IQCF2: variants seen among roughly 807,000 people sequenced by gnomAD.
IQCF2 encodes IQ domain-containing protein F2.
A neutral mutation model predicts 7.0 loss-of-function variants in IQCF2; 6 were observed. The observed-to-expected ratio is 0.86, with a 90% CI of 0.47 to 1.70. The LOEUF (loss-of-function observed/expected upper bound fraction) is 1.70, where lower values mean the gene tolerates loss of function less well. Ranked by LOEUF, IQCF2 falls within the 40% of genes most tolerant of loss-of-function variation. The pLI, the probability that IQCF2 is intolerant of heterozygous loss-of-function variation, is 0.01. For missense variants in IQCF2, 174 were observed against 204.6 expected (o/e 0.85, Z 0.91); for synonymous variants, 67 against 74.0 (o/e 0.91, Z 0.48).
At position 51,863,216 on chromosome 3, in the gene IQCF2, G is replaced by GT. The variant is rs1559728151; in HGVS notation, c.342dup (p.Val115CysfsTer46). 1 of 1,614,194 alleles carries GT rather than the reference G, an allele frequency of 6.2e-7. No individual in the cohort carries two copies. Among genetic ancestry groups the GT allele is most frequent in the East Asian group, 2.2e-5 (1 of 44,876 alleles). On this transcript the variant is annotated frameshift_variant, in exon 3 of 3. Coordinates refer to ENST00000333127, the MANE Select transcript of IQCF2 (RefSeq NM_203424.2). LOFTEE classifies it high-confidence loss of function. ...CTCCAGTCTTTGGTCCGTATGTGGC[G>GT]TGTCCGCTGGCGATACTGCCAGGTG...
chr3:51,861,941 G>C lies in IQCF2; in HGVS notation c.102G>C (p.Gln34His). ...EWKTLQKKKQQKIKEKLRIRT... is the reference protein window; with the variant it reads ...EWKTLQKKKQHKIKEKLRIRT... Reference sequence around the variant, plus strand: ...AGACATTGCAGAAGAAGAAACAGCAGAAAATCAAGGTGAGAAGAATTCCAT... The same window carrying C: ...AGACATTGCAGAAGAAGAAACAGCACAAAATCAAGGTGAGAAGAATTCCAT... The change falls in exon 2 of 3, where the codon CAG becomes CAC. Residue 34 changes from glutamine to histidine, a missense_variant. By Grantham distance (24) the Gln-to-His change is conservative. Coordinates refer to ENST00000333127, the MANE Select transcript of IQCF2 (RefSeq NM_203424.2). 1 of 1,610,782 alleles carries C rather than the reference G, an allele frequency of 6.2e-7. No homozygotes were observed. Among genetic ancestry groups the C allele is most frequent in the Non-Finnish European group, 8.5e-7 (1 of 1,177,044 alleles).
chr3:51,863,316 C>T lies in IQCF2; in HGVS notation c.441C>T (p.His147=), dbSNP rs1559728204. Residue 147 remains histidine, a synonymous_variant, in exon 3 of 3, where the codon CAC becomes CAT. Transcript: ENST00000333127. ...AGACCTGCGCTCTCCTCCAGGGCCA[C>T]TGTGTGGTCACAGCCACTCACCTGC... ...NCQTCALLQG[H]CVVTATHLQF... is the part of the protein sequence containing the mutation. The T allele has an allele frequency of 2.5e-6, 4 of 1,614,198 alleles. No individual in the cohort carries two copies. The highest frequency in any genetic ancestry group is 1.7e-5 in the Admixed American group (1 of 60,032).
Position 51,863,148 on chromosome 3 carries a change from A to G in IQCF2, c.273A>G (p.Ala91=). Residue 91 remains alanine, a synonymous_variant, in exon 3 of 3, where the codon GCA becomes GCG. Transcript: ENST00000333127. ...LSRVLEKKRQ[A]ALIAYATRER... The stretch of plus-strand genomic sequence containing the variant: ...GGGTGCTGGAGAAGAAACGGCAGGC[A>G]GCTCTGATCGCCTACGCAACCAGAG... The G allele has an allele frequency of 1.2e-6, 2 of 1,614,248 alleles. No homozygotes were observed. The highest frequency in any genetic ancestry group is 1.7e-6 in the Non-Finnish European group (2 of 1,180,042).
intron 1 of IQCF2, 81 bp from the exon 2 acceptor site, chr3:51,861,777 G>A: frequency 1.3e-6 from 2 of 1,571,412 alleles, no homozygotes; most frequent in Non-Finnish European, 1.8e-6. Flanking sequence ...GGATGTTAAA[G>A]TAGTAATTGT....
Position 51,863,190 on chromosome 3 carries a change from G to A in IQCF2, c.315G>A (p.Lys105=). 1.2e-6 allele frequency: 2 copies of A among 1,614,206 alleles called. No individual in the cohort carries two copies. The highest frequency in any genetic ancestry group is 1.7e-6 in the Non-Finnish European group (2 of 1,180,030). Residue 105 remains lysine, a synonymous_variant, in exon 3 of 3, where the codon AAG becomes AAA. Coordinates refer to ENST00000333127, the MANE Select transcript of IQCF2 (RefSeq NM_203424.2). ...CAACCAGAGAGAGGGCAGTGATCAA[G>A]CTCCAGTCTTTGGTCCGTATGTGGC... ...AYATRERAVI[K]LQSLVRMWRV...
rs1389726236 is a variant in IQCF2, at chr3:51,863,336, A to C, written c.461A>C (p.His154Pro). Residue 154 changes from histidine to proline, a missense_variant, in exon 3 of 3, where the codon CAC (histidine) becomes CCC (proline). His to Pro is a moderately conservative substitution (Grantham distance 77). Transcript: ENST00000333127. ...LQGHCVVTAT[H>P]LQFHIEIINS ...GGCCACTGTGTGGTCACAGCCACTC[A>C]CCTGCAGTTCCACATTGAGATCATC... 6.2e-7 allele frequency: 1 copy of C among 1,614,086 alleles called. No individual in the cohort carries two copies.
In IQCF2 at chr3:51,861,652, A is replaced by C; in HGVS notation, c.-15A>C. 1 of 1,614,182 alleles carries C rather than the reference A, an allele frequency of 6.2e-7. No homozygotes were observed. Among genetic ancestry groups the C allele is most frequent in the Non-Finnish European group, 8.5e-7 (1 of 1,179,992 alleles). On this transcript the variant is annotated 5_prime_UTR_variant, in exon 1 of 3. Transcript: ENST00000333127. ...GCAGAGAAATCAGGGCTAATGAACC[A>C]TCTAAGGACAGGCCATGAGGGTTCG... is the stretch of plus-strand genomic sequence containing the variant.
chr3:51,862,633 A>G (rs1698651221), intron 2 of IQCF2, among the ~76,000 whole-genome samples: 1 of 152,226 alleles, frequency 6.6e-6, no homozygotes, highest in African/African-American at 2.4e-5. Flanking sequence ...ATTACCAGGC[A>G]GAAGGTTATG....
intron 2 of IQCF2, among the ~76,000 whole-genome samples, chr3:51,862,232 T>C (rs1460841034): frequency 6.6e-6 from 1 of 151,926 alleles, no homozygotes; most frequent in Admixed American, 6.6e-5. Context: ...ACCCCATCTC[T>C]ACTAAAAATA....
In IQCF2 at chr3:51,863,096, A is replaced by C; in HGVS notation, c.221A>C (p.Gln74Pro). 1 of 1,614,274 alleles carries C rather than the reference A, an allele frequency of 6.2e-7. No individual in the cohort carries two copies. Among genetic ancestry groups the C allele is most frequent in the Admixed American group, 1.7e-5 (1 of 60,030 alleles). ...GCAGCCCTCAGGGCCTGGATAATTC[A>C]GTGCTGGTGGCGGATGACGCTGTCG... is the stretch of plus-strand genomic sequence containing the variant. ...LHAALRAWII[Q>P]CWWRMTLSRV... The change falls in exon 3 of 3, where the codon CAG becomes CCG. Residue 74 changes from glutamine (Q) to proline (P), a missense_variant. Physicochemically the swap from Gln to Pro is moderately conservative, Grantham distance 76 (BLOSUM62 -1). Coordinates refer to ENST00000333127, the MANE Select transcript of IQCF2 (RefSeq NM_203424.2).
Position 51,863,121 on chromosome 3 carries a change from G to C in IQCF2, c.246G>C (p.Ser82=), listed in dbSNP as rs765103513. 1.3e-4 allele frequency: 213 copies of C among 1,614,124 alleles called. No individual in the cohort carries two copies. The highest frequency in any genetic ancestry group is 1.8e-4 in the Non-Finnish European group (208 of 1,180,050). ...AGTGCTGGTGGCGGATGACGCTGTC[G>C]AGGGTGCTGGAGAAGAAACGGCAGG... The part of the protein sequence containing the change: ...IIQCWWRMTL[S]RVLEKKRQAA... The change falls in exon 3 of 3, where the codon TCG becomes TCC. Residue 82 remains serine (S), a synonymous_variant. Coordinates refer to ENST00000333127, the MANE Select transcript of IQCF2 (RefSeq NM_203424.2).
intron 2 of IQCF2, among the ~76,000 whole-genome samples, chr3:51,862,454 G>T (rs1279800887): frequency 6.6e-6 from 1 of 151,120 alleles, no homozygotes; most frequent in Non-Finnish European, 1.5e-5. Flanking sequence ...GCATAAGGCT[G>T]AGAGGTGAGA....
chr3:51,862,952 A>T, intron 2 of IQCF2, 35 bp from the exon 3 acceptor site: 2 of 1,555,980 alleles, frequency 1.3e-6, no homozygotes. Context: ...TGGTGGCAGG[A>T]AGTTTTCTGA....
At chr3:51,862,256 G>A (rs552454156) in intron 2 of IQCF2, among the ~76,000 whole-genome samples, 35 of 152,078 alleles carry the variant, frequency 2.3e-4, no homozygotes, top group African/African-American at 6.7e-4. Flanking sequence ...AAAATTAGCC[G>A]GGTGTGGTGG....
Position 51,863,424 on chromosome 3 carries a change from T to C in IQCF2, c.*54T>C. 1 of 1,526,012 alleles carries C rather than the reference T, an allele frequency of 6.6e-7. No homozygotes were observed. The highest frequency in any genetic ancestry group is 1.4e-5 in the African/African-American group (1 of 72,796). 94.5% of individuals were successfully genotyped at this position (1,526,012 alleles called of 1,614,324 possible). Reference sequence around the variant, plus strand: ...TGTCCCTATTAAAGGTCTAACCTGGTCTGGTGTGTCTCATGGGCTCCCCCA... The same window carrying C: ...TGTCCCTATTAAAGGTCTAACCTGGCCTGGTGTGTCTCATGGGCTCCCCCA... On this transcript the variant is annotated 3_prime_UTR_variant, in exon 3 of 3. Transcript: ENST00000333127.
chr3:51,863,103 G>T lies in IQCF2; in HGVS notation c.228G>T (p.Trp76Cys), dbSNP rs747614959. The change falls in exon 3 of 3, where the codon TGG becomes TGT. Residue 76 changes from tryptophan (W) to cysteine (C), a missense_variant. Coordinates refer to ENST00000333127, the MANE Select transcript of IQCF2 (RefSeq NM_203424.2). ...TCAGGGCCTGGATAATTCAGTGCTG[G>T]TGGCGGATGACGCTGTCGAGGGTGC... ...AALRAWIIQC[W>C]WRMTLSRVLE... The T allele has an allele frequency of 2.5e-6, 4 of 1,614,146 alleles. No homozygotes were observed. Among genetic ancestry groups the T allele is most frequent in the Non-Finnish European group, 3.4e-6 (4 of 1,180,060 alleles).
Position 51,863,419 on chromosome 3 carries a change from C to A in IQCF2, c.*49C>A, listed in dbSNP as rs1425967423. The A allele has an allele frequency of 6.4e-7, 1 of 1,560,178 alleles. No homozygotes were observed. The highest frequency in any genetic ancestry group is 1.1e-5 in the South Asian group (1 of 87,786). The stretch of plus-strand genomic sequence containing the variant: ...TCTACTGTCCCTATTAAAGGTCTAA[C>A]CTGGTCTGGTGTGTCTCATGGGCTC... On this transcript the variant is annotated 3_prime_UTR_variant, in exon 3 of 3. Coordinates refer to ENST00000333127, the MANE Select transcript of IQCF2 (RefSeq NM_203424.2).
At chr3:51,862,275 T>C (rs1698646802) in intron 2 of IQCF2, among the ~76,000 whole-genome samples, 1 of 151,906 alleles carries the variant, frequency 6.6e-6, no homozygotes, top group Admixed American at 6.6e-5. Flanking sequence ...GGTGAGTGCC[T>C]GTAGTCCCAG....
Position 51,863,158 on chromosome 3 carries a change from G to A in IQCF2, c.283G>A (p.Ala95Thr), listed in dbSNP as rs369181892. 21 of 1,614,086 alleles carry A rather than the reference G, an allele frequency of 1.3e-5. No homozygotes were observed. The highest frequency in any genetic ancestry group is 1.4e-5 in the Non-Finnish European group (16 of 1,180,036). Residue 95 changes from alanine (A) to threonine (T), a missense_variant, in exon 3 of 3, where the codon GCC (alanine) becomes ACC (threonine). Transcript: ENST00000333127. ...LEKKRQAALI[A>T]YATRERAVIK... is the part of the protein sequence containing the mutation. Reference sequence around the variant, plus strand: ...GAAGAAACGGCAGGCAGCTCTGATCGCCTACGCAACCAGAGAGAGGGCAGT... The same window carrying A: ...GAAGAAACGGCAGGCAGCTCTGATCACCTACGCAACCAGAGAGAGGGCAGT...
Sources: gnomAD v4.1 joint callset for allele counts (sites outside exome capture counted in the v4.1 genomes callset) on GRCh38, gnomAD v4.1.1 for gene constraint, MANE v1.5 for transcripts, NCBI Gene and HGNC (gene_info 2026-07-23, HGNC 2026-07-21) for gene names.